Variants in FAM167A observed in about 807,000 individuals in gnomAD.
FAM167A encodes protein FAM167A.
A neutral mutation model predicts 14.9 loss-of-function variants in FAM167A; 23 were observed. That is an observed-to-expected ratio of 1.55 (90% CI 1.11 to 2.19). FAM167A has a LOEUF of 2.19. Among genes scored for constraint, FAM167A ranks in the 30% most tolerant of loss-of-function variants. The pLI is 0.00. For missense variants in FAM167A, 401 were observed against 281.5 expected, an observed-to-expected ratio of 1.42 and a Z score of -3.04; for synonymous variants, 174 against 117.7, an observed-to-expected ratio of 1.48 and a Z score of -3.10.
Position 11,428,527 on chromosome 8 carries a change from G to A in FAM167A, c.382-3891C>T, listed in dbSNP as rs142331673. 1.1e-4 allele frequency among the ~76,000 whole-genome samples: 17 copies of A among 152,348 alleles called. No individual in the cohort carries two copies. In the East Asian group the frequency reaches 1.3e-3, roughly 12 times the overall value. On this transcript the variant is annotated intron_variant, in intron 2 of 2. Coordinates refer to ENST00000284486, the MANE Select transcript of FAM167A (RefSeq NM_053279.3). ...GATTCCGGCCGGTCTCCCTGCTTGC[G>A]CTCTGAGAGAACATGAGGAGGGGGC... is the stretch of plus-strand genomic sequence containing the variant.
At chr8:11,471,817 G>A (rs138175053), upstream of FAM167A, among the ~76,000 whole-genome samples, 2 of 152,114 alleles carry the variant, frequency 1.3e-5, no homozygotes, top group East Asian at 3.9e-4. Flanking sequence ...CCACGTTCAG[G>A]CCTGTGTGGC....
intron 1 of FAM167A, among the ~76,000 whole-genome samples, chr8:11,474,970 G>A (rs1024648057): frequency 6.6e-6 from 1 of 152,222 alleles, no homozygotes; most frequent in East Asian, 1.9e-4. Flanking sequence ...GTTCAGAGTG[G>A]GTTGCACTCT....
intron 1 of FAM167A, among the ~76,000 whole-genome samples, chr8:11,475,172 C>A (rs893346484): frequency 3.9e-5 from 6 of 152,194 alleles, no homozygotes; most frequent in Non-Finnish European, 4.4e-5. Flanking sequence ...CAAGGCCCAC[C>A]GTGGTGCCCC....
At position 11,431,893 on chromosome 8, in the gene FAM167A, CAAAAA is replaced by C. The variant is rs748615997; in HGVS notation, c.382-7262_382-7258del. On this transcript the variant is annotated intron_variant, in intron 2 of 2. Coordinates refer to ENST00000284486, the MANE Select transcript of FAM167A (RefSeq NM_053279.3). Reference sequence around the variant, plus strand: ...AGAAGGAGGGTACTGGACCAATTGGCAAAAAAAAAAAAAAAAAAAAAAAAAAGGAT... The same window carrying C: ...AGAAGGAGGGTACTGGACCAATTGGCAAAAAAAAAAAAAAAAAAAAAGGAT... Among the ~76,000 whole-genome samples the C allele has an allele frequency of 0.02, 320 of 15,630 alleles. 8 individuals carry two copies. The East Asian group carries it at 0.27, about 13-fold the overall frequency. 10.3% of individuals were successfully genotyped at this position (15,630 alleles called of 152,430 possible).
rs1806677786 is a variant in FAM167A, at chr8:11,444,721, T to C, written c.-310A>G. 1.7e-6 allele frequency: 2 copies of C among 1,154,158 alleles called. No homozygotes were observed. The highest frequency in any genetic ancestry group is 4.9e-5 in the East Asian group (1 of 20,478). The allele number at this position is 1,154,158 out of a possible 1,614,324, so 71.5% of individuals were successfully genotyped here. ...TCTCGGGGCAGCCTGTGCCAAGGTC[T>C]ATCTGTCCTGAACGCACTCGAAGAC... On this transcript the variant is annotated 5_prime_UTR_variant, in exon 2 of 3. It adds an upstream start codon to the 5' untranslated region. Transcript: ENST00000284486.
intron 2 of FAM167A, among the ~76,000 whole-genome samples, chr8:11,437,176 G>C (rs1425337805): frequency 6.6e-6 from 1 of 152,186 alleles, no homozygotes; most frequent in African/African-American, 2.4e-5. Context: ...CCACTGCAGG[G>C]CTTTGAGGTC....
chr8:11,460,810 G>A (rs1008676086), intron 1 of FAM167A, among the ~76,000 whole-genome samples: 4 of 152,050 alleles, frequency 2.6e-5, no homozygotes, highest in Admixed American at 6.5e-5. Flanking sequence ...TTCTGACTCC[G>A]AGTTGAACCC....
At position 11,421,706 on chromosome 8, in the gene FAM167A, C is replaced by T. The variant is rs1191749679; in HGVS notation, c.*2667G>A. 1 of 398,954 alleles carries T rather than the reference C, an allele frequency of 2.5e-6. No individual in the cohort carries two copies. Among genetic ancestry groups the T allele is most frequent in the Non-Finnish European group, 4.4e-6 (1 of 226,088 alleles). The allele number at this position is 398,954 out of a possible 1,614,324, so 24.7% of individuals were successfully genotyped here. A position where few individuals can be genotyped will look rare whatever the true frequency, so the allele number is the denominator to read the frequency against. Reference sequence around the variant, plus strand: ...TACTGAGCCCCTGAAGGCATCAAGACATGACCACGCATGGCAGTGTCGGTG... The same window carrying T: ...TACTGAGCCCCTGAAGGCATCAAGATATGACCACGCATGGCAGTGTCGGTG... On this transcript the variant is annotated 3_prime_UTR_variant, in exon 3 of 3. Coordinates refer to ENST00000284486, the MANE Select transcript of FAM167A (RefSeq NM_053279.3).
chr8:11,454,329 T>C (rs13248746), intron 1 of FAM167A, among the ~76,000 whole-genome samples: 50,282 of 152,136 alleles, frequency 0.33, 9,001 homozygotes, highest in East Asian at 0.65. Context: ...ACTCGTGGCT[T>C]CACTCAAGGA....
intron 2 of FAM167A, chr8:11,438,424 A>C (rs1003958986): frequency 6.6e-6 from 3 of 452,830 alleles, no homozygotes; most frequent in Admixed American, 2.4e-5. Context: ...CCTTACTTTT[A>C]TTTTATTCTA....
intron 2 of FAM167A, among the ~76,000 whole-genome samples, chr8:11,431,858 TGGGGGCCACAGAAGGA>T (rs1805614934): frequency 9.8e-6 from 1 of 101,600 alleles, no homozygotes; most frequent in Non-Finnish European, 1.8e-5. Flanking sequence ...TTACTGGAGA[TGGGGGCCACAGAAGGA>T]GGGTACTGGA....
chr8:11,444,512 C>G lies in FAM167A; in HGVS notation c.-101G>C. 1 of 1,484,072 alleles carries G rather than the reference C, an allele frequency of 6.7e-7. No individual in the cohort carries two copies. The allele number at this position is 1,484,072 out of a possible 1,614,324, so 91.9% of individuals were successfully genotyped here. On this transcript the variant is annotated 5_prime_UTR_variant, in exon 2 of 3. Coordinates refer to ENST00000284486, the MANE Select transcript of FAM167A (RefSeq NM_053279.3). ...GGGTCCCGCTCTGGGATGGCCTCAT[C>G]CAGGTGCCCGAGGGCATTTCCGGGA... is the stretch of plus-strand genomic sequence containing the variant.
chr8:11,435,463 A>G (rs1267878456), intron 2 of FAM167A, among the ~76,000 whole-genome samples: 3 of 152,234 alleles, frequency 2.0e-5, no homozygotes, highest in South Asian at 2.1e-4. Flanking sequence ...TGTTAGATGA[A>G]TGAATCAATG....
At chr8:11,449,550 C>G (rs575399172) in intron 1 of FAM167A, among the ~76,000 whole-genome samples, 3 of 152,128 alleles carry the variant, frequency 2.0e-5, no homozygotes, top group Non-Finnish European at 4.4e-5. Context: ...GTGGAGGGGC[C>G]GGAGAAGGAA....
Position 11,421,718 on chromosome 8 carries a change from T to A in FAM167A, c.*2655A>T. On this transcript the variant is annotated 3_prime_UTR_variant, in exon 3 of 3. Transcript: ENST00000284486. The stretch of plus-strand genomic sequence containing the variant: ...GAAGGCATCAAGACATGACCACGCA[T>A]GGCAGTGTCGGTGGAGAGTTTGCGT... 2.5e-6 allele frequency: 1 copy of A among 399,060 alleles called. No homozygotes were observed. Among genetic ancestry groups the A allele is most frequent in the Non-Finnish European group, 4.4e-6 (1 of 226,086 alleles). 24.7% of individuals were successfully genotyped at this position (399,060 alleles called of 1,614,324 possible).
chr8:11,433,065 G>A (rs993633548), intron 2 of FAM167A, among the ~76,000 whole-genome samples: 1 of 152,240 alleles, frequency 6.6e-6, no homozygotes. Context: ...GGCCTGTTGG[G>A]GGGTAGGGAG....
At chr8:11,444,839 C>G (rs1042983716) in intron 1 of FAM167A, 31 bp from the exon 2 acceptor site, 4 of 993,476 alleles carry the variant, frequency 4.0e-6, no homozygotes, top group Non-Finnish European at 3.6e-6. Flanking sequence ...GCATCAGTCC[C>G]GATCCCTGCC....
chr8:11,455,803 G>A (rs1474350794), intron 1 of FAM167A, among the ~76,000 whole-genome samples: 2 of 150,744 alleles, frequency 1.3e-5, no homozygotes, highest in African/African-American at 4.9e-5. Flanking sequence ...TTGTGTGAGT[G>A]TTGGGTGGTT....
chr8:11,425,774 C>G (rs556447293), intron 2 of FAM167A, among the ~76,000 whole-genome samples: 4 of 152,130 alleles, frequency 2.6e-5, no homozygotes, highest in Admixed American at 1.3e-4. Context: ...GTAGCAAATT[C>G]CTGCCTCTGG....
Sources: allele counts gnomAD v4.1 joint callset (sites outside exome capture counted in the v4.1 genomes callset), GRCh38; gene constraint gnomAD v4.1.1; transcripts MANE v1.5; gene names NCBI Gene and HGNC (gene_info 2026-07-23, HGNC 2026-07-21).